Variants in SPON1 observed in about 807,000 individuals in gnomAD.
SPON1 encodes spondin 1, also known as spondin-1.
Under a neutral mutation model 111.7 loss-of-function variants are expected in SPON1, and 52 were observed. That is an observed-to-expected ratio of 0.47 (90% confidence interval 0.37 to 0.59). SPON1 has a LOEUF of 0.59. Among genes scored for constraint, SPON1 ranks in the 20% least tolerant of loss-of-function variants. The probability of loss-of-function intolerance (pLI) is 0.00; values close to 1 mark genes in which losing one functional copy is unlikely to be tolerated. For missense variants in SPON1, 957 were observed against 1,068.5 expected (o/e 0.90, Z 1.46); for synonymous variants, 410 against 395.8 (o/e 1.04, Z -0.43).
chr11:14,019,036 G>A (rs1311520859), intron 2 of SPON1, among the ~76,000 whole-genome samples: 5 of 152,194 alleles, frequency 3.3e-5, no homozygotes, highest in African/African-American at 1.2e-4. Flanking sequence ...TCCAAAGAGA[G>A]TCCCAAGTTT....
intron 6 of SPON1, among the ~76,000 whole-genome samples, chr11:14,153,848 G>C (rs782096704): frequency 7.2e-5 from 11 of 152,276 alleles, no homozygotes; most frequent in African/African-American, 1.2e-4. Flanking sequence ...AAAGGCATTG[G>C]GTAAATGCTT....
chr11:14,101,242 A>G (rs1436471658), intron 5 of SPON1, among the ~76,000 whole-genome samples: 1 of 152,000 alleles, frequency 6.6e-6, no homozygotes, highest in Non-Finnish European at 1.5e-5. Context: ...TCTACTAAAA[A>G]TACAAAACTT....
intron 5 of SPON1, among the ~76,000 whole-genome samples, chr11:14,087,652 A>G (rs1204100355): frequency 6.6e-6 from 1 of 152,148 alleles, no homozygotes; most frequent in Admixed American, 6.6e-5. Flanking sequence ...CTGTAGTTCT[A>G]TTAGGTCCAC....
chr11:14,058,582 G>A (rs192435030), intron 3 of SPON1, among the ~76,000 whole-genome samples: 1 of 152,152 alleles, frequency 6.6e-6, no homozygotes, highest in Non-Finnish European at 1.5e-5. Flanking sequence ...CAAGCAGGTG[G>A]AGCAAGGAGG....
At chr11:13,966,122 T>C (rs1236961044) in intron 1 of SPON1, among the ~76,000 whole-genome samples, 1 of 152,196 alleles carries the variant, frequency 6.6e-6, no homozygotes, top group African/African-American at 2.4e-5. Flanking sequence ...CATTATTTTG[T>C]CTTTTCCAAG....
At chr11:13,979,888 C>T (rs1848130931) in intron 1 of SPON1, among the ~76,000 whole-genome samples, 1 of 152,164 alleles carries the variant, frequency 6.6e-6, no homozygotes, top group Admixed American at 6.5e-5. Flanking sequence ...CCACCCTCAC[C>T]CTAGAGAGTC....
chr11:14,186,746 C>G (rs565300631), intron 6 of SPON1, among the ~76,000 whole-genome samples: 54 of 152,256 alleles, frequency 3.5e-4, no homozygotes, highest in Middle Eastern at 3.4e-3. Context: ...AAATTTTTGA[C>G]CTCAGAGGTT....
chr11:14,017,936 G>A (rs899418262), intron 2 of SPON1, among the ~76,000 whole-genome samples: 5 of 151,976 alleles, frequency 3.3e-5, no homozygotes, highest in African/African-American at 7.3e-5. Context: ...CTAATGAGTC[G>A]GACTATTTGG....
intron 2 of SPON1, 109 bp from the exon 3 acceptor site, chr11:14,041,412 A>T (rs1045250186): frequency 3.0e-6 from 4 of 1,327,288 alleles, no homozygotes; most frequent in East Asian, 4.6e-5. Flanking sequence ...AGAGTTGCTA[A>T]CATAAAATGA....
rs1847577669 is a variant in SPON1, at chr11:14,135,285, A to G, written c.677-135A>G. The G allele has an allele frequency of 9.4e-6, 9 of 956,982 alleles. No homozygotes were observed. The highest frequency in any genetic ancestry group is 2.5e-5 in the Admixed American group (1 of 40,208). 59.3% of individuals were successfully genotyped at this position (956,982 alleles called of 1,614,324 possible). On this transcript the variant is annotated intron_variant, in intron 5 of 15. Transcript: ENST00000576479. The surrounding 1 kb of genome is among the most constrained non-coding windows in gnomAD (Gnocchi z 4.4). Reference sequence around the variant, plus strand: ...ACTCAGTCTTATCACTGAATGGCACAGGGCCTAAGACAGAATAGGTGCTTA... The same window carrying G: ...ACTCAGTCTTATCACTGAATGGCACGGGGCCTAAGACAGAATAGGTGCTTA...
At chr11:14,204,932 C>G (rs1009782070) in intron 6 of SPON1, among the ~76,000 whole-genome samples, 10 of 152,052 alleles carry the variant, frequency 6.6e-5, no homozygotes, top group African/African-American at 2.2e-4. Context: ...CGTGATCCAC[C>G]TGCCTCAGCC....
rs1849288349 is a variant in SPON1 at position 14,267,751 on chromosome 11, G to A, written c.*2064G>A. 6.6e-6 allele frequency: 1 copy of A among 152,192 alleles called. No individual in the cohort carries two copies. The highest frequency in any genetic ancestry group is 1.5e-5 in the Non-Finnish European group (1 of 68,020). The allele number at this position is 152,192 out of a possible 1,614,324, so 9.4% of individuals were successfully genotyped here. ...TTTCTTACCAAAGTCTTGTTAGGTG[G>A]TTTATAGTTCTTTTGGCTAACAAAT... is the stretch of plus-strand genomic sequence containing the variant. On this transcript the variant is annotated 3_prime_UTR_variant, in exon 16 of 16. Coordinates refer to ENST00000576479, the MANE Select transcript of SPON1 (RefSeq NM_006108.4).
At chr11:14,251,576 G>T (rs1186677238) in intron 7 of SPON1, among the ~76,000 whole-genome samples, 1 of 152,188 alleles carries the variant, frequency 6.6e-6, no homozygotes, top group Non-Finnish European at 1.5e-5. Context: ...CACCCATGGG[G>T]TACAGGATAT....
chr11:14,041,134 A>T (rs1554917231), intron 2 of SPON1, among the ~76,000 whole-genome samples: 1 of 152,204 alleles, frequency 6.6e-6, no homozygotes, highest in Non-Finnish European at 1.5e-5. Context: ...AAGTTATAAA[A>T]TTGTAGCTGA....
chr11:14,257,306 A>G (rs1485590402), intron 10 of SPON1, among the ~76,000 whole-genome samples: 1 of 152,224 alleles, frequency 6.6e-6, no homozygotes, highest in Non-Finnish European at 1.5e-5. Context: ...TACTCAATGA[A>G]TAGCAGCTGC....
intron 7 of SPON1, among the ~76,000 whole-genome samples, chr11:14,243,968 C>T (rs1286630628): frequency 6.6e-6 from 1 of 152,192 alleles, no homozygotes; most frequent in African/African-American, 2.4e-5. Flanking sequence ...GGACCTTAAA[C>T]TCATCATGTC....
At chr11:14,200,464 T>A (rs1848449739) in intron 6 of SPON1, among the ~76,000 whole-genome samples, 1 of 152,232 alleles carries the variant, frequency 6.6e-6, no homozygotes, top group African/African-American at 2.4e-5. Context: ...TATAAAGATT[T>A]TTTGTTGACT....
intron 6 of SPON1, among the ~76,000 whole-genome samples, chr11:14,236,957 C>G (rs2133915335): frequency 6.6e-6 from 1 of 152,328 alleles, no homozygotes; most frequent in South Asian, 2.1e-4. Context: ...GGACACCCTC[C>G]TGCCTTCCTC....
intron 6 of SPON1, among the ~76,000 whole-genome samples, chr11:14,150,857 C>G (rs1380566276): frequency 1.3e-5 from 2 of 152,168 alleles, no homozygotes; most frequent in African/African-American, 4.8e-5. Context: ...GTATCAGGAG[C>G]AACACTGAAC....
Sources: allele counts gnomAD v4.1 joint callset (sites outside exome capture counted in the v4.1 genomes callset), GRCh38; gene constraint gnomAD v4.1.1; non-coding constraint Gnocchi (gnomAD v3.1); transcripts MANE v1.5; gene names NCBI Gene and HGNC (gene_info 2026-07-23, HGNC 2026-07-21).